DAB1: variants seen among roughly 807,000 people sequenced by gnomAD.
The protein encoded by DAB1 is DAB adaptor protein 1.
In DAB1, 15 loss-of-function variants were observed where a neutral mutation model predicts 64.6. The ratio of observed to expected loss-of-function variants is 0.23; its 90% confidence interval spans 0.16 to 0.36. The LOEUF is 0.36. DAB1 is among the 10% of genes least tolerant of loss of function. The probability of loss-of-function intolerance (pLI) is 1.00; values close to 1 mark genes in which losing one functional copy is unlikely to be tolerated. For synonymous variants in DAB1, 235 were observed against 251.9 expected, an observed-to-expected ratio of 0.93 and a Z score of 0.64; for missense variants, 596 against 706.7, an observed-to-expected ratio of 0.84 and a Z score of 1.78.
upstream of DAB1, among the ~76,000 whole-genome samples, chr1:57,887,479 C>A (rs887854957): frequency 1.3e-5 from 2 of 152,178 alleles, no homozygotes; most frequent in African/African-American, 4.8e-5. Flanking sequence ...ATCTGCCAGT[C>A]AACGCATAGA....
intron 5 of DAB1, among the ~76,000 whole-genome samples, chr1:58,116,656 C>T (rs1652352640): frequency 6.6e-6 from 1 of 152,196 alleles, no homozygotes; most frequent in African/African-American, 2.4e-5. Context: ...ATTCCTCTTG[C>T]TCTCTCTAGA....
chr1:58,456,539 G>C (rs1645194816), intron 3 of DAB1, among the ~76,000 whole-genome samples: 1 of 152,168 alleles, frequency 6.6e-6, no homozygotes, highest in Non-Finnish European at 1.5e-5. Flanking sequence ...TGAGGACTAG[G>C]GAAGGCTGAG....
At chr1:57,665,628 C>A (rs935530847) in intron 6 of DAB1, among the ~76,000 whole-genome samples, 14 of 152,194 alleles carry the variant, frequency 9.2e-5, no homozygotes, top group Non-Finnish European at 1.3e-4. Context: ...GAGATAGTGA[C>A]ATTTTCATTT....
At chr1:58,193,725 G>A (rs1375362564) in intron 4 of DAB1, among the ~76,000 whole-genome samples, 6 of 151,950 alleles carry the variant, frequency 3.9e-5, no homozygotes, top group African/African-American at 1.2e-4. Context: ...GCATGGTGGC[G>A]CACGCCTGTA....
At chr1:58,366,441 C>T (rs1214304107) in intron 3 of DAB1, among the ~76,000 whole-genome samples, 1 of 152,212 alleles carries the variant, frequency 6.6e-6, no homozygotes, top group Non-Finnish European at 1.5e-5. Flanking sequence ...ACAGCTAAAA[C>T]ACCAGCTCAG....
In DAB1 at chr1:57,553,451, A is replaced by AGG. The variant is rs1178956683; in HGVS notation, n.625+96140_625+96141insCC. On this transcript the variant is annotated intron_variant and non_coding_transcript_variant, in intron 7 of 20. Coordinates refer to the DAB1 transcript ENST00000485760. ...GAAAGAAAGAAAGAAAGAGAAAGAA[A>AGG]GAAAGAAAGAGAAAGGGAAAGAAAG... Among the ~76,000 whole-genome samples the AGG allele has an allele frequency of 5.0e-4, 63 of 126,244 alleles. 1 individual carries two copies. The highest frequency in any genetic ancestry group is 1.7e-3 in the African/African-American group (57 of 33,888). The allele number at this position is 126,244 out of a possible 152,430, so 82.8% of individuals were successfully genotyped here.
chr1:58,324,207 T>A lies in DAB1; in HGVS notation n.309+19145A>T, dbSNP rs557716950. Among the ~76,000 whole-genome samples, 15 of 152,300 alleles carry A rather than the reference T, an allele frequency of 9.8e-5. No homozygotes were observed. The South Asian group carries it at 3.1e-3, about 32-fold the overall frequency. Reference sequence around the variant, plus strand: ...TCTAATTGTATTATAATAGCCTCGCTGCATATGCTTCTTTAGTGGTAGACC... The same window carrying A: ...TCTAATTGTATTATAATAGCCTCGCAGCATATGCTTCTTTAGTGGTAGACC... On this transcript the variant is annotated intron_variant and non_coding_transcript_variant, in intron 4 of 20. Transcript: ENST00000485760.
At chr1:58,318,965 G>A (rs1662620162) in intron 4 of DAB1, among the ~76,000 whole-genome samples, 1 of 152,214 alleles carries the variant, frequency 6.6e-6, no homozygotes, top group Non-Finnish European at 1.5e-5. Context: ...GCAGATCATT[G>A]TGAGATGACC....
chr1:57,475,353 A>C (rs1395350002), intron 7 of DAB1, among the ~76,000 whole-genome samples: 1 of 152,214 alleles, frequency 6.6e-6, no homozygotes, highest in Admixed American at 6.5e-5. Context: ...CAGGTATGGC[A>C]AAGTGGAAGA....
chr1:57,870,394 T>C (rs1023236926), intron 1 of DAB1, among the ~76,000 whole-genome samples: 1 of 152,072 alleles, frequency 6.6e-6, no homozygotes, highest in African/African-American at 2.4e-5. Context: ...GCCGTTTTAT[T>C]GGAGAATGAT....
chr1:57,069,685 T>C (rs1651270179), intron 7 of DAB1, among the ~76,000 whole-genome samples: 1 of 152,182 alleles, frequency 6.6e-6, no homozygotes, highest in African/African-American at 2.4e-5. Flanking sequence ...TCTGGAGATA[T>C]AACCTCTTCA....
chr1:57,136,323 A>T (rs1658084304), intron 4 of DAB1, among the ~76,000 whole-genome samples: 1 of 152,210 alleles, frequency 6.6e-6, no homozygotes, highest in Admixed American at 6.5e-5. Context: ...ATAGTGTGAC[A>T]CTTTTATCAC....
At chr1:58,024,740 G>A (rs1016595250) in intron 5 of DAB1, among the ~76,000 whole-genome samples, 2 of 152,122 alleles carry the variant, frequency 1.3e-5, no homozygotes, top group African/African-American at 4.8e-5. Context: ...CATTTGAATT[G>A]GTAGACAGTA....
intron 2 of DAB1, among the ~76,000 whole-genome samples, chr1:57,272,941 C>A (rs1671128967): frequency 6.6e-6 from 1 of 152,146 alleles, no homozygotes; most frequent in Non-Finnish European, 1.5e-5. Flanking sequence ...CAGGGCTTCC[C>A]TCTTGGGCTA....
intron 5 of DAB1, among the ~76,000 whole-genome samples, chr1:58,035,339 A>T (rs1170868238): frequency 6.6e-6 from 1 of 152,254 alleles, no homozygotes; most frequent in Non-Finnish European, 1.5e-5. Context: ...TCACAAGCAG[A>T]TAAACAGTTT....
In DAB1 at chr1:58,529,384, T is replaced by C. The variant is rs1226485605; in HGVS notation, n.33-2049A>G. 3.3e-5 allele frequency among the ~76,000 whole-genome samples: 5 copies of C among 152,200 alleles called. No homozygotes were observed. In the East Asian group the frequency reaches 9.6e-4, roughly 29 times the overall value. On this transcript the variant is annotated intron_variant and non_coding_transcript_variant, in intron 1 of 20. Coordinates refer to the DAB1 transcript ENST00000485760. ...AGAAAGATGTAAAACAAAAAAATTA[T>C]GGTTAACAAAGTAGTTATAAAGATT... is the stretch of plus-strand genomic sequence containing the variant.
At chr1:57,871,389 T>C (rs1255862950) in intron 1 of DAB1, among the ~76,000 whole-genome samples, 1 of 152,188 alleles carries the variant, frequency 6.6e-6, no homozygotes, top group African/African-American at 2.4e-5. Context: ...ATTACTACAT[T>C]GTACCCATTT....
At chr1:57,508,366 A>G (rs1297368372) in intron 7 of DAB1, among the ~76,000 whole-genome samples, 1 of 152,188 alleles carries the variant, frequency 6.6e-6, no homozygotes, top group Non-Finnish European at 1.5e-5. Flanking sequence ...GAGACGCTAA[A>G]AAGTATCTGT....
chr1:58,065,755 G>C (rs1648819230), intron 5 of DAB1, among the ~76,000 whole-genome samples: 1 of 152,144 alleles, frequency 6.6e-6, no homozygotes. Context: ...AAGGAAGCAG[G>C]GGTCAGCAGA....
Sources: allele counts gnomAD v4.1 joint callset (sites outside exome capture counted in the v4.1 genomes callset), GRCh38; gene constraint gnomAD v4.1.1; transcripts MANE v1.5; gene names NCBI Gene and HGNC (gene_info 2026-07-23, HGNC 2026-07-21).